MAST4: variants seen among roughly 807,000 people sequenced by gnomAD.
The protein encoded by MAST4 is microtubule-associated serine/threonine-protein kinase 4.
MAST4 carries 89 observed loss-of-function variants against 162.7 expected under a neutral mutation model. The ratio of observed to expected loss-of-function variants is 0.55; its 90% CI spans 0.46 to 0.65. The LOEUF is 0.65. MAST4 is among the 30% of genes least tolerant of loss of function. The pLI, the probability that MAST4 is intolerant of heterozygous loss-of-function variation, is 0.00. For synonymous variants in MAST4, 1,479 were observed against 1,361.1 expected (o/e 1.09, Z -1.91); for missense variants, 3,153 against 3,374.0 (o/e 0.93, Z 1.62).
At chr5:66,926,737 G>GT (rs981169828) in intron 4 of MAST4, among the ~76,000 whole-genome samples, 2 of 150,948 alleles carry the variant, frequency 1.3e-5, no homozygotes, top group Non-Finnish European at 3.0e-5. Context: ...GTTGCTTTTT[G>GT]TTTTTTTGCT....
intron 1 of MAST4, among the ~76,000 whole-genome samples, chr5:66,687,214 T>A (rs1253637045): frequency 6.6e-6 from 1 of 152,160 alleles, no homozygotes; most frequent in South Asian, 2.1e-4. Flanking sequence ...ACGTAGTTTT[T>A]AAACCTTCAC....
At chr5:66,703,386 CATT>C (rs1394330597) in intron 1 of MAST4, among the ~76,000 whole-genome samples, 1 of 152,098 alleles carries the variant, frequency 6.6e-6, no homozygotes, top group Non-Finnish European at 1.5e-5. Flanking sequence ...CATGGATGAT[CATT>C]GTCATAAAAT....
chr5:66,791,290 C>CA (rs1755393720), intron 3 of MAST4, among the ~76,000 whole-genome samples: 1 of 152,242 alleles, frequency 6.6e-6, no homozygotes, highest in African/African-American at 2.4e-5. Context: ...TCCCAAAGTG[C>CA]TGGGATTACA....
intron 1 of MAST4, among the ~76,000 whole-genome samples, chr5:66,739,433 GT>G (rs560896006): frequency 8.1e-4 from 124 of 152,246 alleles, no homozygotes; most frequent in African/African-American, 2.9e-3. Context: ...GTAGAAATAG[GT>G]GGTAGAGAAT....
chr5:67,009,831 C>A (rs1451245506), intron 4 of MAST4, among the ~76,000 whole-genome samples: 2 of 152,034 alleles, frequency 1.3e-5, no homozygotes, highest in African/African-American at 4.8e-5. Flanking sequence ...TTAATAAGTT[C>A]TTGGGGTAGT....
At chr5:66,747,607 C>T (rs897095278) in intron 1 of MAST4, among the ~76,000 whole-genome samples, 3 of 152,190 alleles carry the variant, frequency 2.0e-5, no homozygotes, top group African/African-American at 7.2e-5. Context: ...TGTGCTCTTC[C>T]TCTGTCCCGC....
At chr5:66,889,934 AT>A (rs1762264069) in intron 3 of MAST4, among the ~76,000 whole-genome samples, 1 of 152,152 alleles carries the variant, frequency 6.6e-6, no homozygotes, top group African/African-American at 2.4e-5. Context: ...CTGAATCCTG[AT>A]CCTATTTGTT....
At chr5:66,999,348 G>C (rs1429805241) in intron 4 of MAST4, among the ~76,000 whole-genome samples, 4 of 152,192 alleles carry the variant, frequency 2.6e-5, no homozygotes, top group Admixed American at 2.6e-4. Flanking sequence ...AGTCCTATGG[G>C]CTGTGTGCCA....
At chr5:66,860,923 A>T (rs1312830519) in intron 3 of MAST4, among the ~76,000 whole-genome samples, 4 of 152,158 alleles carry the variant, frequency 2.6e-5, no homozygotes, top group African/African-American at 7.2e-5. Flanking sequence ...AAGCACTTTC[A>T]TGATGGAGTT....
At chr5:66,605,793 A>G (rs1742845621) in intron 1 of MAST4, among the ~76,000 whole-genome samples, 1 of 152,170 alleles carries the variant, frequency 6.6e-6, no homozygotes, top group African/African-American at 2.4e-5. Context: ...GATTAAAGGG[A>G]AATTACAACT....
intron 3 of MAST4, among the ~76,000 whole-genome samples, chr5:66,877,435 G>C (rs575527617): frequency 6.6e-6 from 1 of 152,190 alleles, no homozygotes; most frequent in Non-Finnish European, 1.5e-5. Flanking sequence ...GCAGGGTGAA[G>C]TTCAGTAACT....
chr5:66,708,860 G>A (rs1034260310), intron 1 of MAST4, among the ~76,000 whole-genome samples: 22 of 152,038 alleles, frequency 1.4e-4, no homozygotes, highest in South Asian at 2.1e-4. Flanking sequence ...ATAAATGATC[G>A]GGGAAAAAAA....
At chr5:66,935,637 T>C (rs776463082) in intron 4 of MAST4, among the ~76,000 whole-genome samples, 16 of 152,022 alleles carry the variant, frequency 1.1e-4, no homozygotes, top group African/African-American at 3.9e-4. Context: ...AGTTGTCAGA[T>C]GCTTCTCCAT....
chr5:66,644,034 A>G (rs1745658822), intron 1 of MAST4, among the ~76,000 whole-genome samples: 1 of 109,898 alleles, frequency 9.1e-6, no homozygotes, highest in Admixed American at 1.0e-4. Context: ...AAAAGTATTC[A>G]TCTGTAAGCT....
At position 66,596,821 on chromosome 5, in the gene MAST4, G is replaced by A. The variant is rs1742207905; in HGVS notation, c.166G>A (p.Gly56Ser). The part of the protein sequence containing the change: ...ETLSEEGEPG[G>S]FSREHQPPPP... ...TCTGTCGGAGGAAGGGGAGCCCGGC[G>A]GCTTCTCCAGAGAGCATCAGCCGCC... Residue 56 changes from glycine (G) to serine (S), a missense_variant, in exon 1 of 29, where the codon GGC becomes AGC. By Grantham distance (56) the Gly-to-Ser change is moderately conservative. Coordinates refer to ENST00000403625, the MANE Select transcript of MAST4 (RefSeq NM_001164664.2). 2.3e-6 allele frequency: 3 copies of A among 1,317,068 alleles called. No individual in the cohort carries two copies. The highest frequency in any genetic ancestry group is 4.7e-5 in the South Asian group (2 of 42,132). 81.6% of individuals were successfully genotyped at this position (1,317,068 alleles called of 1,614,324 possible). A position where few individuals can be genotyped will look rare whatever the true frequency, so the allele number is the denominator to read the frequency against.
intron 4 of MAST4, among the ~76,000 whole-genome samples, chr5:66,916,317 CAG>C (rs1561442274): frequency 6.6e-6 from 1 of 152,064 alleles, no homozygotes; most frequent in Non-Finnish European, 1.5e-5. Flanking sequence ...GGCTGATACA[CAG>C]GGGGGAAAGA....
intron 1 of MAST4, among the ~76,000 whole-genome samples, chr5:66,664,818 G>C (rs1351042818): frequency 6.6e-6 from 1 of 152,058 alleles, no homozygotes; most frequent in Non-Finnish European, 1.5e-5. Flanking sequence ...ATTTTGTTAG[G>C]AGAACTGGAA....
chr5:66,844,081 TA>T (rs1758622930), intron 3 of MAST4, among the ~76,000 whole-genome samples: 2 of 151,752 alleles, frequency 1.3e-5, no homozygotes, highest in South Asian at 4.2e-4. Flanking sequence ...TAGGTTGTTC[TA>T]AACTGAAAGC....
At chr5:66,798,473 C>T (rs912297584) in intron 3 of MAST4, among the ~76,000 whole-genome samples, 2 of 152,190 alleles carry the variant, frequency 1.3e-5, no homozygotes, top group African/African-American at 2.4e-5. Flanking sequence ...TCCTCAGATC[C>T]CAGACTTCTG....
Sources: allele counts gnomAD v4.1 joint callset (sites outside exome capture counted in the v4.1 genomes callset), GRCh38; gene constraint gnomAD v4.1.1; transcripts MANE v1.5; gene names NCBI Gene and HGNC (gene_info 2026-07-23, HGNC 2026-07-21).